The following UBR3 variants were observed in gnomAD, a reference collection of about 807,000 sequenced individuals.
UBR3 encodes ubiquitin protein ligase E3 component n-recognin 3.
In UBR3, 85 loss-of-function variants were observed where a neutral mutation model predicts 243.2. The observed-to-expected ratio is 0.35, with a 90% CI of 0.29 to 0.42. The LOEUF (loss-of-function observed/expected upper bound fraction) is 0.42. UBR3 is among the 10% of genes least tolerant of loss of function. The pLI is 1.00. For synonymous variants in UBR3, 748 were observed against 799.8 expected, an observed-to-expected ratio of 0.94 and a Z score of 1.09; for missense variants, 1,686 against 2,300.8, an observed-to-expected ratio of 0.73 and a Z score of 5.47.
intron 25 of UBR3, among the ~76,000 whole-genome samples, chr2:169,992,730 C>T (rs772006540): frequency 1.6e-4 from 24 of 152,102 alleles, no homozygotes; most frequent in Non-Finnish European, 3.1e-4. Flanking sequence ...TAGAATATAA[C>T]TCCTAAGAAC....
chr2:169,940,867 T>C (rs1444623516), intron 19 of UBR3, among the ~76,000 whole-genome samples: 1 of 152,202 alleles, frequency 6.6e-6, no homozygotes, highest in Non-Finnish European at 1.5e-5. Context: ...AAGTAATTTA[T>C]AGATTTTAAA....
intron 1 of UBR3, among the ~76,000 whole-genome samples, chr2:169,847,618 CTACT>C (rs1242522523): frequency 1.1e-4 from 17 of 152,184 alleles, no homozygotes; most frequent in African/African-American, 4.1e-4. Context: ...TCTTACCCAT[CTACT>C]TACTATTTCC....
intron 1 of UBR3, among the ~76,000 whole-genome samples, chr2:169,838,509 A>T (rs2082189203): frequency 6.6e-6 from 1 of 150,684 alleles, no homozygotes; most frequent in Non-Finnish European, 1.5e-5. Context: ...AACAGGGCCT[A>T]AGGTAGTTCC....
chr2:169,897,168 A>G, intron 8 of UBR3, among the ~76,000 whole-genome samples: 1 of 152,152 alleles, frequency 6.6e-6, no homozygotes, highest in Admixed American at 6.5e-5. Flanking sequence ...ACCATAATTT[A>G]TTTAGTCATT....
chr2:169,972,379 A>G (rs564550481), intron 24 of UBR3, among the ~76,000 whole-genome samples: 3 of 152,282 alleles, frequency 2.0e-5, no homozygotes, highest in African/African-American at 7.2e-5. Flanking sequence ...ATTCCAATCA[A>G]TAGAAAAAGA....
intron 8 of UBR3, among the ~76,000 whole-genome samples, chr2:169,903,100 C>T (rs978657732): frequency 2.0e-5 from 3 of 152,090 alleles, no homozygotes; most frequent in Admixed American, 1.3e-4. Flanking sequence ...AGTAGGTGCT[C>T]AATAAATATT....
chr2:169,997,279 G>A (rs992154382), intron 26 of UBR3, among the ~76,000 whole-genome samples: 5 of 152,140 alleles, frequency 3.3e-5, no homozygotes, highest in African/African-American at 7.2e-5. Flanking sequence ...GGCAGGCTGC[G>A]CTCAACTCGC....
chr2:169,849,149 G>C (rs1442473722), intron 1 of UBR3, among the ~76,000 whole-genome samples: 4 of 152,208 alleles, frequency 2.6e-5, no homozygotes, highest in Non-Finnish European at 4.4e-5. Context: ...GGTCTTTCAT[G>C]AAGCTTTGGC....
At chr2:170,010,736 G>C (rs1407569485) in intron 29 of UBR3, among the ~76,000 whole-genome samples, 1 of 152,092 alleles carries the variant, frequency 6.6e-6, no homozygotes, top group African/African-American at 2.4e-5. Flanking sequence ...TTCTAAAGCA[G>C]CAAAACAATA....
rs1224588293 is a variant in UBR3 at position 169,877,687 on chromosome 2, C to G, written c.988+50C>G. ...CAGTTGTAACTTTTCTGTATTAAAA[C>G]CAAAAAAACCTCTCAAACTTTACTC... is the stretch of plus-strand genomic sequence containing the variant. On this transcript the variant is annotated intron_variant, in intron 4 of 38. Transcript: ENST00000272793. The G allele has an allele frequency of 2.0e-6, 3 of 1,477,150 alleles. No homozygotes were observed. The East Asian group carries it at 7.7e-5, about 38-fold the overall frequency. 91.5% of individuals were successfully genotyped at this position (1,477,150 alleles called of 1,614,324 possible).
intron 5 of UBR3, among the ~76,000 whole-genome samples, chr2:169,890,538 G>GATATATATATATATATATAT (rs1238478825): frequency 3.9e-5 from 3 of 77,578 alleles, no homozygotes; most frequent in Admixed American, 1.5e-4. Flanking sequence ...GAGAGAGAGA[G>GATATATATATATATATATAT]AGATATATAT....
chr2:169,895,145 A>T, intron 6 of UBR3, 36 bp from the exon 7 acceptor site: 1 of 1,472,824 alleles, frequency 6.8e-7, no homozygotes, highest in East Asian at 2.5e-5. Context: ...GAGCAACTTC[A>T]ATCATTAACT....
chr2:169,977,247 C>A (rs1192973281), intron 24 of UBR3, among the ~76,000 whole-genome samples: 1 of 151,834 alleles, frequency 6.6e-6, no homozygotes, highest in Non-Finnish European at 1.5e-5. Flanking sequence ...GGGTCTGTTA[C>A]TAGAGAGATA....
chr2:169,993,539 G>A (rs1194165433), intron 25 of UBR3, among the ~76,000 whole-genome samples: 1 of 152,170 alleles, frequency 6.6e-6, no homozygotes, highest in Non-Finnish European at 1.5e-5. Context: ...CTGGATTTGT[G>A]TGATTATTTC....
chr2:169,969,796 ACCT>A (rs2088013470), intron 24 of UBR3, among the ~76,000 whole-genome samples: 1 of 131,536 alleles, frequency 7.6e-6, no homozygotes, highest in Non-Finnish European at 1.8e-5. Flanking sequence ...TGATCCGCCC[ACCT>A]CCGCCTCCCA....
intron 1 of UBR3, among the ~76,000 whole-genome samples, chr2:169,871,050 A>G (rs2083422285): frequency 6.6e-6 from 1 of 151,434 alleles, no homozygotes; most frequent in Non-Finnish European, 1.5e-5. Context: ...TACAGCTTAA[A>G]TAGCTTCTCT....
At chr2:170,028,096 A>G (rs1327598990) in intron 30 of UBR3, among the ~76,000 whole-genome samples, 2 of 151,976 alleles carry the variant, frequency 1.3e-5, no homozygotes, top group Non-Finnish European at 2.9e-5. Context: ...ATAGGAGATG[A>G]AACAGGGTAA....
chr2:169,836,534 G>A (rs116202632), intron 1 of UBR3, among the ~76,000 whole-genome samples: 5,984 of 151,868 alleles, frequency 0.039, 180 homozygotes, highest in East Asian at 0.11. Context: ...GCTAATGCAT[G>A]CTGGGCTTCA....
At chr2:169,856,163 G>A in intron 1 of UBR3, among the ~76,000 whole-genome samples, 1 of 151,798 alleles carries the variant, frequency 6.6e-6, no homozygotes, top group Non-Finnish European at 1.5e-5. Flanking sequence ...CGGGGTGGCG[G>A]CGGGGCAGAG....
Sources: allele counts gnomAD v4.1 joint callset (sites outside exome capture counted in the v4.1 genomes callset), GRCh38; gene constraint gnomAD v4.1.1; transcripts MANE v1.5; gene names NCBI Gene and HGNC (gene_info 2026-07-23, HGNC 2026-07-21).